Variants in PTK2B observed in about 807,000 individuals in gnomAD.
The protein encoded by PTK2B is protein tyrosine kinase 2 beta.
PTK2B carries 71 observed loss-of-function variants against 142.9 expected under a neutral mutation model. The observed-to-expected ratio is 0.50, with a 90% CI of 0.41 to 0.61. The LOEUF is 0.61. PTK2B is among the 20% of genes least tolerant of loss of function. PTK2B has a pLI of 0.00. For synonymous variants in PTK2B, 519 were observed against 503.4 expected (o/e 1.03, Z -0.42); for missense variants, 1,105 against 1,320.4 (o/e 0.84, Z 2.53).
chr8:27,351,167 G>T (rs1805071062), intron 1 of PTK2B, among the ~76,000 whole-genome samples: 1 of 148,822 alleles, frequency 6.7e-6, no homozygotes, highest in African/African-American at 2.5e-5. Context: ...TTATACCATT[G>T]CACTCCAGTC....
upstream of PTK2B, chr8:27,311,381 C>A (rs1029210822): frequency 2.9e-6 from 3 of 1,025,660 alleles, no homozygotes; most frequent in South Asian, 3.5e-5. Flanking sequence ...GCCAATCGTG[C>A]GGGGGGGATG....
chr8:27,458,586 T>G lies in PTK2B; in HGVS notation c.*77T>G. 1.4e-6 allele frequency: 2 copies of G among 1,469,330 alleles called. No individual in the cohort carries two copies. Among genetic ancestry groups the G allele is most frequent in the Non-Finnish European group, 9.2e-7 (1 of 1,087,878 alleles). 91.0% of individuals were successfully genotyped at this position (1,469,330 alleles called of 1,614,324 possible). On this transcript the variant is annotated 3_prime_UTR_variant, in exon 31 of 31. Transcript: ENST00000346049. ...CTCCCCTGCCTTGCTGTTGGTCATGTGGGTCTTCCAGGGGGAAGGCCAAGG... is the reference window on the plus strand; with the variant it reads ...CTCCCCTGCCTTGCTGTTGGTCATGGGGGTCTTCCAGGGGGAAGGCCAAGG...
At position 27,342,123 on chromosome 8, in the gene PTK2B, TC is replaced by T. The variant is rs112097907; in HGVS notation, c.-38+16447del. On this transcript the variant is annotated intron_variant, in intron 1 of 30. Coordinates refer to ENST00000346049, the MANE Select transcript of PTK2B (RefSeq NM_173176.3). ...ACTTTGAGAACCACTGCAGTGGAGG[TC>T]CCCCACAGGGATGTACCCTCAAGCA... 6.8e-3 allele frequency among the ~76,000 whole-genome samples: 1,033 copies of T among 151,972 alleles called. 6 individuals are homozygous for T. Among genetic ancestry groups the T allele is most frequent in the African/African-American group, 0.023 (939 of 41,418 alleles).
chr8:27,414,237 G>T (rs904600024), intron 2 of PTK2B, among the ~76,000 whole-genome samples: 1 of 128,598 alleles, frequency 7.8e-6, no homozygotes, highest in South Asian at 2.9e-4. Flanking sequence ...ATCACTATCG[G>T]CTGTCACTGC....
At chr8:27,330,155 T>TTAATAATAGCATCTTATGCACCCACTGAA (rs1441479468) in intron 1 of PTK2B, among the ~76,000 whole-genome samples, 1 of 152,132 alleles carries the variant, frequency 6.6e-6, no homozygotes, top group African/African-American at 2.4e-5. Context: ...ATGCACCCGC[T>TTAATAATAGCATCTTATGCACCCACTGAA]TAATAATAGC....
intron 20 of PTK2B, 77 bp from the exon 21 acceptor site, chr8:27,440,160 T>C: frequency 6.9e-7 from 1 of 1,443,792 alleles, no homozygotes; most frequent in South Asian, 1.2e-5. Context: ...GGAGACTGAG[T>C]GCTAATGGCG....
chr8:27,360,291 C>A (rs914784146), intron 1 of PTK2B, among the ~76,000 whole-genome samples: 3 of 152,232 alleles, frequency 2.0e-5, no homozygotes, highest in Non-Finnish European at 4.4e-5. Context: ...AACTTAACAC[C>A]CAGAATGGGA....
chr8:27,331,986 C>T (rs1420809079), intron 1 of PTK2B, among the ~76,000 whole-genome samples: 3 of 152,200 alleles, frequency 2.0e-5, no homozygotes, highest in South Asian at 4.1e-4. Context: ...GATGCTGCTG[C>T]ACTTTGCACC....
Position 27,382,412 on chromosome 8 carries a change from T to A in PTK2B, c.-37-15136T>A, listed in dbSNP as rs60196646. Among the ~76,000 whole-genome samples the A allele has an allele frequency of 6.1e-3, 935 of 152,336 alleles. 11 individuals carry two copies. The highest frequency in any genetic ancestry group is 0.022 in the African/African-American group (906 of 41,572). The stretch of plus-strand genomic sequence containing the variant: ...TTCTCCCATTCTACAGGTTGCCTGG[T>A]CCACTCTGTCAGTTGTTTCCTTTGC... On this transcript the variant is annotated intron_variant, in intron 1 of 30. Coordinates refer to ENST00000346049, the MANE Select transcript of PTK2B (RefSeq NM_173176.3).
intron 2 of PTK2B, among the ~76,000 whole-genome samples, chr8:27,400,873 A>G (rs1369800184): frequency 3.3e-5 from 5 of 152,240 alleles, no homozygotes; most frequent in Non-Finnish European, 5.9e-5. Context: ...ATGCCATGCA[A>G]ATGGGTAGGC....
At chr8:27,433,636 C>A (rs1766404652) in intron 11 of PTK2B, 84 bp downstream of exon 11, 2 of 1,139,080 alleles carry the variant, frequency 1.8e-6, no homozygotes, top group Non-Finnish European at 2.6e-6. Flanking sequence ...AGAAGCTAAG[C>A]CACTGATGGA....
chr8:27,412,666 A>T (rs920171238), intron 2 of PTK2B, among the ~76,000 whole-genome samples: 1 of 152,186 alleles, frequency 6.6e-6, no homozygotes, highest in African/African-American at 2.4e-5. Flanking sequence ...CCTGAAGCTG[A>T]AATCTATCTT....
intron 26 of PTK2B, 39 bp downstream of exon 26, chr8:27,451,117 C>A: frequency 6.3e-7 from 1 of 1,595,374 alleles, no homozygotes; most frequent in East Asian, 2.2e-5. Flanking sequence ...CATGCCAAGG[C>A]CTGGGAAGGC....
chr8:27,416,327 T>TAG (rs1026063054), intron 2 of PTK2B, among the ~76,000 whole-genome samples: 4 of 152,160 alleles, frequency 2.6e-5, no homozygotes, highest in African/African-American at 9.7e-5. Flanking sequence ...TGGTACAGTA[T>TAG]AGACAAAGAT....
At chr8:27,392,129 A>G (rs1807763071) in intron 1 of PTK2B, among the ~76,000 whole-genome samples, 2 of 152,190 alleles carry the variant, frequency 1.3e-5, no homozygotes, top group Non-Finnish European at 1.5e-5. Context: ...GAGTAGTTCA[A>G]ATAATCAGAC....
chr8:27,344,404 TC>T (rs1804593959), intron 1 of PTK2B, among the ~76,000 whole-genome samples: 1 of 152,154 alleles, frequency 6.6e-6, no homozygotes, highest in Admixed American at 6.5e-5. Flanking sequence ...TTCTGACCCC[TC>T]CCATCCTCAG....
intron 1 of PTK2B, among the ~76,000 whole-genome samples, chr8:27,379,377 C>G (rs1806873688): frequency 1.3e-5 from 2 of 152,170 alleles, no homozygotes; most frequent in African/African-American, 2.4e-5. Context: ...CAGGCACATG[C>G]CACCATGCCG....
At chr8:27,450,579 G>A (rs1486506228) in intron 24 of PTK2B, among the ~76,000 whole-genome samples, 170 bp from the exon 25 acceptor site, 5 of 152,146 alleles carry the variant, frequency 3.3e-5, no homozygotes, top group Admixed American at 3.3e-4. Flanking sequence ...GCTGATACTG[G>A]ATAGCTGTCT....
At chr8:27,456,586 G>A (rs1812154698) in intron 30 of PTK2B, among the ~76,000 whole-genome samples, 1 of 152,244 alleles carries the variant, frequency 6.6e-6, no homozygotes, top group South Asian at 2.1e-4. Context: ...GAACCCTACA[G>A]CGGTCTCTGC....
Sources: gnomAD v4.1 joint callset for allele counts (sites outside exome capture counted in the v4.1 genomes callset) on GRCh38, gnomAD v4.1.1 for gene constraint, MANE v1.5 for transcripts, NCBI Gene and HGNC (gene_info 2026-07-23, HGNC 2026-07-21) for gene names.